Variants in LOXHD1 observed in about 807,000 individuals in gnomAD.
The protein encoded by LOXHD1 is lipoxygenase homology PLAT domains 1, also known as lipoxygenase homology domain-containing protein 1.
In LOXHD1, 205 loss-of-function variants were observed where a neutral mutation model predicts 248.2. That is an observed-to-expected ratio of 0.83 (90% CI 0.74 to 0.93). LOXHD1 has a LOEUF of 0.93. Ranked by LOEUF, LOXHD1 falls within the 40% of genes least tolerant of loss-of-function variation. The pLI is 0.00. For missense variants in LOXHD1, 2,930 were observed against 2,971.6 expected (o/e 0.99, Z 0.33); for synonymous variants, 1,113 against 1,162.8 (o/e 0.96, Z 0.87).
chr18:46,517,724 GA>G, intron 34 of LOXHD1, among the ~76,000 whole-genome samples: 1 of 152,238 alleles, frequency 6.6e-6, no homozygotes, highest in East Asian at 1.9e-4. Flanking sequence ...GAGACTTACA[GA>G]AAAGTTGCAA....
chr18:46,574,417 A>G (rs1218847820), intron 14 of LOXHD1, among the ~76,000 whole-genome samples: 1 of 150,584 alleles, frequency 6.6e-6, no homozygotes, highest in Non-Finnish European at 1.5e-5. Context: ...ACACACACAC[A>G]CACCTGATCC....
chr18:46,553,972 TAG>T (rs1340460464), intron 21 of LOXHD1, among the ~76,000 whole-genome samples: 1 of 152,078 alleles, frequency 6.6e-6, no homozygotes, highest in Non-Finnish European at 1.5e-5. Flanking sequence ...GGAATCAGAA[TAG>T]AGAGATGAGG....
At chr18:46,648,586 A>C (rs2039063943) in intron 2 of LOXHD1, among the ~76,000 whole-genome samples, 1 of 152,204 alleles carries the variant, frequency 6.6e-6, no homozygotes, top group Non-Finnish European at 1.5e-5. Flanking sequence ...GCGTGCATGC[A>C]GTGGGGGGAA....
In LOXHD1 at chr18:46,574,419, A is replaced by ACACACACACACACC. The variant is rs1357990413; in HGVS notation, c.1971-2258_1971-2257insGGTGTGTGTGTGTG. Among the ~76,000 whole-genome samples the ACACACACACACACC allele has an allele frequency of 7.2e-3, 1,071 of 148,982 alleles. 15 individuals carry two copies. Among genetic ancestry groups the ACACACACACACACC allele is most frequent in the African/African-American group, 0.024 (973 of 39,896 alleles). On this transcript the variant is annotated intron_variant, in intron 14 of 40. Transcript: ENST00000642948. ...CACACACACACACACACACACACAC[A>ACACACACACACACC]CCTGATCCTAGCAGAAATTCTGATA...
intron 7 of LOXHD1, among the ~76,000 whole-genome samples, chr18:46,603,259 G>A (rs2038365727): frequency 6.6e-6 from 1 of 152,094 alleles, no homozygotes; most frequent in Non-Finnish European, 1.5e-5. Flanking sequence ...CGAGGATAGA[G>A]AGAGAGAAAG....
rs570201922 is a variant in LOXHD1 at position 46,607,348 on chromosome 18, TAC to T, written c.760-3121_760-3120del. Among the ~76,000 whole-genome samples the T allele has an allele frequency of 6.0e-3, 901 of 149,878 alleles. 10 individuals carry two copies. The highest frequency in any genetic ancestry group is 0.021 in the African/African-American group (866 of 41,088). On this transcript the variant is annotated intron_variant, in intron 6 of 40. Transcript: ENST00000642948. ...ATATGTGCATATATACATGTACATA[TAC>T]ATACATATATACATATATGTACATA...
At chr18:46,581,577 G>A (rs376603604) in intron 12 of LOXHD1, among the ~76,000 whole-genome samples, 1 of 152,270 alleles carries the variant, frequency 6.6e-6, no homozygotes. Context: ...TTAAAGCCAT[G>A]GGATCAAATG....
At chr18:46,617,449 C>G (rs1225530533) in intron 5 of LOXHD1, among the ~76,000 whole-genome samples, 2 of 152,188 alleles carry the variant, frequency 1.3e-5, no homozygotes, top group African/African-American at 4.8e-5. Context: ...TGAAAGCTCT[C>G]TCCTTCCAGG....
At chr18:46,571,189 C>T (rs928641169) in intron 15 of LOXHD1, among the ~76,000 whole-genome samples, 11 of 152,108 alleles carry the variant, frequency 7.2e-5, no homozygotes, top group African/African-American at 1.4e-4. Context: ...CTTTAGCTGC[C>T]GGGTGCCGTG....
At chr18:46,643,971 T>C (rs1167952922) in intron 2 of LOXHD1, among the ~76,000 whole-genome samples, 2 of 152,264 alleles carry the variant, frequency 1.3e-5, no homozygotes, top group East Asian at 3.9e-4. Context: ...TTAAAAACAA[T>C]GGAGTGAGAA....
chr18:46,560,010 C>T (rs2037478763), intron 19 of LOXHD1, 73 bp downstream of exon 19: 1 of 1,471,794 alleles, frequency 6.8e-7, no homozygotes. Context: ...AGGCCCCCTG[C>T]CCCCAGTGGG....
intron 21 of LOXHD1, among the ~76,000 whole-genome samples, chr18:46,554,464 A>G (rs1285782070): frequency 6.6e-6 from 1 of 152,238 alleles, no homozygotes; most frequent in East Asian, 1.9e-4. Flanking sequence ...GAGATTCACT[A>G]TTCTGATTCG....
chr18:46,520,628 TG>T (rs2035528136), intron 33 of LOXHD1: 2 of 260,012 alleles, frequency 7.7e-6, no homozygotes, highest in Non-Finnish European at 1.5e-5. Flanking sequence ...TGGACACCAT[TG>T]GCTGCACCGT....
chr18:46,478,372 A>T (rs1232577060), intron 40 of LOXHD1, among the ~76,000 whole-genome samples: 1 of 152,124 alleles, frequency 6.6e-6, no homozygotes, highest in African/African-American at 2.4e-5. Flanking sequence ...AGATATATCC[A>T]GAACCAGCCC....
intron 39 of LOXHD1, among the ~76,000 whole-genome samples, chr18:46,484,687 G>T (rs933855332): frequency 1.3e-5 from 2 of 152,200 alleles, no homozygotes; most frequent in African/African-American, 4.8e-5. Flanking sequence ...AGAGAGTGAG[G>T]AGATGAAGTG....
At position 46,480,585 on chromosome 18, in the gene LOXHD1, A is replaced by G. The variant is rs1364653427; in HGVS notation, c.6342-2633T>C. 4.6e-5 allele frequency among the ~76,000 whole-genome samples: 7 copies of G among 152,214 alleles called. No homozygotes were observed. In the East Asian group the frequency reaches 1.3e-3, roughly 29 times the overall value. ...AGGATCACCAAAATGTGGGCCCTGC[A>G]GACTTACACAAAGCTCTGGCTTTGG... On this transcript the variant is annotated intron_variant, in intron 40 of 40. Coordinates refer to ENST00000642948, the MANE Select transcript of LOXHD1 (RefSeq NM_001384474.1).
chr18:46,569,717 G>A (rs2037715286), intron 15 of LOXHD1, 79 bp from the exon 16 acceptor site: 1 of 1,175,308 alleles, frequency 8.5e-7, no homozygotes, highest in South Asian at 1.6e-5. Context: ...TGTATAGGAG[G>A]GCAGCCTGGA....
chr18:46,566,919 A>G (rs78433488), intron 16 of LOXHD1, among the ~76,000 whole-genome samples: 2,216 of 152,172 alleles, frequency 0.015, 19 homozygotes, highest in Non-Finnish European at 0.022. Flanking sequence ...ACAGAATATC[A>G]CCCATCCTGA....
intron 14 of LOXHD1, among the ~76,000 whole-genome samples, chr18:46,573,043 AAAAG>A (rs1293265506): frequency 6.6e-6 from 1 of 151,200 alleles, no homozygotes; most frequent in Admixed American, 6.6e-5. Context: ...AAAAAAAAAA[AAAAG>A]ACAGGATAGA....
Sources: gnomAD v4.1 joint callset for allele counts (sites outside exome capture counted in the v4.1 genomes callset) on GRCh38, gnomAD v4.1.1 for gene constraint, MANE v1.5 for transcripts, NCBI Gene and HGNC (gene_info 2026-07-23, HGNC 2026-07-21) for gene names.